LRSAM1: variants seen among roughly 807,000 people sequenced by gnomAD.
LRSAM1 encodes leucine rich repeat and sterile alpha motif containing 1.
A neutral mutation model predicts 118.1 loss-of-function variants in LRSAM1; 96 were observed. That is an observed-to-expected ratio of 0.81 (90% CI 0.69 to 0.96). LRSAM1 has a LOEUF of 0.96. Ranked by LOEUF, LRSAM1 falls within the 40% of genes least tolerant of loss-of-function variation. LRSAM1 has a pLI of 0.00. For missense variants in LRSAM1, 804 were observed against 915.5 expected, an observed-to-expected ratio of 0.88 and a Z score of 1.57; for synonymous variants, 322 against 364.2, an observed-to-expected ratio of 0.88 and a Z score of 1.32.
At chr9:127,485,912 T>TGGGC in intron 17 of LRSAM1, 77 bp downstream of exon 17, 2 of 1,453,184 alleles carry the variant, frequency 1.4e-6, no homozygotes, top group Non-Finnish European at 1.9e-6. Flanking sequence ...GGATGAGAGC[T>TGGGC]GGGCACTAAA....
At chr9:127,467,621 C>A in intron 9 of LRSAM1, 119 bp from the exon 10 acceptor site, 1 of 965,744 alleles carries the variant, frequency 1.0e-6, no homozygotes, top group Non-Finnish European at 1.6e-6. Flanking sequence ...GCCACCTCTG[C>A]TGTCAGGCCA....
At chr9:127,482,211 C>A (rs575502037) in intron 15 of LRSAM1, among the ~76,000 whole-genome samples, 1 of 145,848 alleles carries the variant, frequency 6.9e-6, no homozygotes, top group African/African-American at 2.6e-5. Flanking sequence ...GGCACGATCT[C>A]GGCTCACTGC....
At chr9:127,482,279 A>G (rs1169774297) in intron 15 of LRSAM1, among the ~76,000 whole-genome samples, 1 of 151,090 alleles carries the variant, frequency 6.6e-6, no homozygotes, top group Non-Finnish European at 1.5e-5. Flanking sequence ...AGTAGCTGGG[A>G]TTATAGGCGC....
intron 24 of LRSAM1, among the ~76,000 whole-genome samples, chr9:127,497,691 A>C (rs533783786): frequency 3.3e-5 from 5 of 152,252 alleles, no homozygotes; most frequent in Admixed American, 6.5e-5. Flanking sequence ...CCTGCAGTAT[A>C]CCCAATGCTG....
intron 10 of LRSAM1, among the ~76,000 whole-genome samples, chr9:127,468,482 C>T (rs1588109057): frequency 1.3e-5 from 2 of 152,156 alleles, no homozygotes; most frequent in Non-Finnish European, 2.9e-5. Context: ...GCTAGTGGTT[C>T]TGGTCACCTG....
intron 11 of LRSAM1, among the ~76,000 whole-genome samples, chr9:127,478,124 A>T (rs942939252): frequency 2.0e-5 from 3 of 152,154 alleles, no homozygotes; most frequent in Admixed American, 1.3e-4. Context: ...CATCAATAAT[A>T]AATTAATTAA....
In LRSAM1 at chr9:127,456,162, C is replaced by CA. The variant is rs34459766; in HGVS notation, c.174+562dup. Reference sequence around the variant, plus strand: ...AGTGAAGTATCTAAATGAGAATATGCAAAAAAAAAAAAAAAAAAAAGTGTT... The same window carrying CA: ...AGTGAAGTATCTAAATGAGAATATGCAAAAAAAAAAAAAAAAAAAAAGTGTT... On this transcript the variant is annotated intron_variant, in intron 5 of 25. Coordinates refer to ENST00000300417, the MANE Select transcript of LRSAM1 (RefSeq NM_001005373.4). 6.2e-3 allele frequency among the ~76,000 whole-genome samples: 589 copies of CA among 94,536 alleles called. 4 individuals carry two copies. Among genetic ancestry groups the CA allele is most frequent in the East Asian group, 0.02 (58 of 2,882 alleles). The allele number at this position is 94,536 out of a possible 152,430, so 62.0% of individuals were successfully genotyped here. A position where few individuals can be genotyped will look rare whatever the true frequency, so the allele number is the denominator to read the frequency against.
At position 127,473,821 on chromosome 9, in the gene LRSAM1, C is replaced by G. The variant is rs1835258898; in HGVS notation, c.640C>G (p.Pro214Ala). 1 of 1,614,094 alleles carries G rather than the reference C, an allele frequency of 6.2e-7. No homozygotes were observed. The highest frequency in any genetic ancestry group is 1.3e-5 in the African/African-American group (1 of 74,934). ...TACAGAGTCAGGGCTGGAATACTAC[C>G]CCCCTTCTCAGTACTTGCTGCCAAT... ...LCKESGLEYYPPSQYLLPILE... is the reference protein window; with the variant it reads ...LCKESGLEYYAPSQYLLPILE... The change falls in exon 11 of 26, where the codon CCC becomes GCC. Residue 214 changes from proline to alanine, a missense_variant. By Grantham distance (27) the Pro-to-Ala change is conservative. Transcript: ENST00000300417.
chr9:127,474,034 G>C, intron 11 of LRSAM1, 103 bp downstream of exon 11: 1 of 1,542,972 alleles, frequency 6.5e-7, no homozygotes, highest in Non-Finnish European at 8.8e-7. Context: ...GTTCAGAGCT[G>C]CAGCTCCCAG....
intron 9 of LRSAM1, among the ~76,000 whole-genome samples, chr9:127,466,530 T>TC (rs776197379): frequency 2.4e-5 from 2 of 84,158 alleles, no homozygotes; most frequent in East Asian, 7.4e-4. Flanking sequence ...TTTTTTTTTT[T>TC]CCACTAGAGA....
intron 10 of LRSAM1, among the ~76,000 whole-genome samples, chr9:127,469,702 G>A (rs867024594): frequency 1.3e-4 from 19 of 151,422 alleles, no homozygotes; most frequent in African/African-American, 4.6e-4. Context: ...GGTGGCTCGC[G>A]CCTGTAATCC....
At chr9:127,500,071 GACTT>G (rs1836319428) in intron 24 of LRSAM1, among the ~76,000 whole-genome samples, 1 of 151,562 alleles carries the variant, frequency 6.6e-6, no homozygotes, top group African/African-American at 2.4e-5. Context: ...TAGAAAAAGA[GACTT>G]AGCAGCCGGG....
At chr9:127,483,548 ATTAG>A (rs1835617176) in intron 16 of LRSAM1, among the ~76,000 whole-genome samples, 9 of 152,210 alleles carry the variant, frequency 5.9e-5, no homozygotes, top group Admixed American at 5.9e-4. Context: ...TTAGCATCCC[ATTAG>A]CATGTTATCA....
At chr9:127,459,198 C>A in intron 7 of LRSAM1, 127 bp downstream of exon 7, 1 of 883,640 alleles carries the variant, frequency 1.1e-6, no homozygotes, top group Non-Finnish European at 1.8e-6. Flanking sequence ...CAGCTCCACC[C>A]TCCCCTTGGC....
chr9:127,500,275 T>C (rs1836330382), intron 24 of LRSAM1, among the ~76,000 whole-genome samples: 1 of 141,704 alleles, frequency 7.1e-6, no homozygotes, highest in Non-Finnish European at 1.5e-5. Flanking sequence ...GAAGGAGAAT[T>C]GCTTGAACCT....
chr9:127,480,665 A>C (rs1835503442), intron 14 of LRSAM1, among the ~76,000 whole-genome samples: 1 of 152,150 alleles, frequency 6.6e-6, no homozygotes, highest in Admixed American at 6.5e-5. Context: ...AGTCTTTACA[A>C]ATGCACCAAG....
intron 7 of LRSAM1, among the ~76,000 whole-genome samples, chr9:127,460,898 C>T (rs999697225): frequency 8.3e-5 from 11 of 132,736 alleles, no homozygotes; most frequent in Middle Eastern, 5.0e-3. Context: ...CTCTGTTGCC[C>T]AGGCCGGAGT....
chr9:127,472,064 C>T lies in LRSAM1; in HGVS notation c.620-1737C>T, dbSNP rs1158342959. On this transcript the variant is annotated intron_variant, in intron 10 of 25. Transcript: ENST00000300417. Reference sequence around the variant, plus strand: ...ACAACCTCTGCCTCCTGGGTTCAAGCGATTCTCCTGCCTCAGCCTCCTGAG... The same window carrying T: ...ACAACCTCTGCCTCCTGGGTTCAAGTGATTCTCCTGCCTCAGCCTCCTGAG... 4.6e-5 allele frequency among the ~76,000 whole-genome samples: 7 copies of T among 151,028 alleles called. No individual in the cohort carries two copies. In the South Asian group the frequency reaches 6.3e-4, roughly 14 times the overall value.
intron 3 of LRSAM1, 86 bp from the exon 4 acceptor site, chr9:127,454,912 G>A: frequency 1.5e-6 from 2 of 1,303,492 alleles, no homozygotes; most frequent in East Asian, 2.3e-5. Context: ...CTTTGCAGCT[G>A]CTTACATTTA....
Sources: gnomAD v4.1 joint callset for allele counts (sites outside exome capture counted in the v4.1 genomes callset) on GRCh38, gnomAD v4.1.1 for gene constraint, MANE v1.5 for transcripts, NCBI Gene and HGNC (gene_info 2026-07-23, HGNC 2026-07-21) for gene names.